The following FABP6 variants were observed in gnomAD, a reference collection of about 807,000 sequenced individuals.
FABP6 encodes fatty acid binding protein 6.
A neutral mutation model predicts 14.9 loss-of-function variants in FABP6; 13 were observed. The observed-to-expected ratio is 0.87, with a 90% CI of 0.57 to 1.39. FABP6 has a LOEUF of 1.39. FABP6 is among the 40% of genes most tolerant of loss of function. The pLI, the probability that FABP6 is intolerant of heterozygous loss-of-function variation, is 0.00. For missense variants in FABP6, 161 were observed against 167.2 expected, an observed-to-expected ratio of 0.96 and a Z score of 0.20; for synonymous variants, 75 against 63.6, an observed-to-expected ratio of 1.18 and a Z score of -0.85.
Position 160,232,081 on chromosome 5 carries a change from C to T in FABP6, c.68-17C>T. 1 of 1,612,818 alleles carries T rather than the reference C, an allele frequency of 6.2e-7. No homozygotes were observed. The highest frequency in any genetic ancestry group is 8.5e-7 in the Non-Finnish European group (1 of 1,179,456). ...AAGCAGCTCTTATATGGCTACTCTGCTTGTCCCCGGGTCCAGGGATCTCCA... is the reference window on the plus strand; with the variant it reads ...AAGCAGCTCTTATATGGCTACTCTGTTTGTCCCCGGGTCCAGGGATCTCCA... On this transcript the variant is annotated splice_polypyrimidine_tract_variant and intron_variant, in intron 1 of 3. Coordinates refer to ENST00000402432, the MANE Select transcript of FABP6 (RefSeq NM_001445.3).
In FABP6 at chr5:160,199,015, C is replaced by T. The variant is rs116602704; in HGVS notation, c.-58-34C>T. 2,151 of 1,312,914 alleles carry T rather than the reference C, an allele frequency of 1.6e-3. 17 individuals are homozygous for T. The highest frequency in any genetic ancestry group is 0.015 in the African/African-American group (1,035 of 69,296). The allele number at this position is 1,312,914 out of a possible 1,614,324, so 81.3% of individuals were successfully genotyped here. A position where few individuals can be genotyped will look rare whatever the true frequency, so the allele number is the denominator to read the frequency against. On this transcript the variant is annotated intron_variant, in intron 1 of 6. Coordinates refer to the FABP6 transcript ENST00000393980. ...GAACAATGAGATGGTCTCCAGAGCC[C>T]CTCCCAGCGTGCTGGCTTTTTGTGT...
At position 160,213,631 on chromosome 5, in the gene FABP6, G is replaced by A. The variant is rs564387834; in HGVS notation, c.52-105G>A. The A allele has an allele frequency of 3.3e-6, 3 of 897,542 alleles. 1 individual carries two copies. In the South Asian group the frequency reaches 4.1e-5, roughly 12 times the overall value. 55.6% of individuals were successfully genotyped at this position (897,542 alleles called of 1,614,324 possible). On this transcript the variant is annotated intron_variant, in intron 2 of 6. Transcript: ENST00000393980. ...ATCAGTTTCCATTGCTTGCAATTAAGAGCGCTGCTATGAGGAGCTCTGCCT... is the reference window on the plus strand; with the variant it reads ...ATCAGTTTCCATTGCTTGCAATTAAAAGCGCTGCTATGAGGAGCTCTGCCT...
chr5:160,212,991 C>T (rs1759924464), intron 2 of FABP6, among the ~76,000 whole-genome samples: 2 of 152,164 alleles, frequency 1.3e-5, no homozygotes, highest in South Asian at 2.1e-4. Context: ...ATAGAAGGCA[C>T]ATGAGCTGGG....
intron 3 of FABP6, among the ~76,000 whole-genome samples, chr5:160,218,287 C>T (rs1317867766): frequency 6.6e-6 from 1 of 151,966 alleles, no homozygotes; most frequent in African/African-American, 2.4e-5. Context: ...CCAGATTTTG[C>T]AGATGAGAAA....
chr5:160,199,214 T>C, intron 2 of FABP6: 4 of 1,584,738 alleles, frequency 2.5e-6, no homozygotes, highest in Non-Finnish European at 8.7e-7. Context: ...ATGACCCAGG[T>C]CACAGTGGGG....
At chr5:160,205,787 C>A (rs545535400) in intron 2 of FABP6, among the ~76,000 whole-genome samples, 1 of 152,112 alleles carries the variant, frequency 6.6e-6, no homozygotes, top group African/African-American at 2.4e-5. Context: ...GCAGCCATTT[C>A]GTGACCTTGA....
At chr5:160,212,059 C>G (rs56399800) in intron 2 of FABP6, among the ~76,000 whole-genome samples, 59,982 of 149,510 alleles carry the variant, frequency 0.4, 12,134 homozygotes, top group Non-Finnish European at 0.43. Context: ...GTGATCTCAG[C>G]TCACTGTAAC....
intron 3 of FABP6, among the ~76,000 whole-genome samples, chr5:160,219,947 GC>G (rs1303015562): frequency 2.0e-5 from 3 of 152,124 alleles, no homozygotes; most frequent in African/African-American, 7.2e-5. Flanking sequence ...ATCCCCAGTA[GC>G]GTATGAACAC....
intron 1 of FABP6, chr5:160,198,849 G>A: frequency 1.9e-6 from 1 of 524,942 alleles, no homozygotes; most frequent in Non-Finnish European, 3.4e-6. Context: ...CCATCATCCT[G>A]TTGTTCTTTA....
chr5:160,213,393 G>A (rs766072761), intron 2 of FABP6, among the ~76,000 whole-genome samples: 2 of 152,194 alleles, frequency 1.3e-5, no homozygotes, highest in Non-Finnish European at 2.9e-5. Context: ...CAGGGAAATG[G>A]TGGCTGCAGG....
rs779440322 is a variant in FABP6, at chr5:160,232,102, C to G, written c.72C>G (p.Ile24Met). 6.2e-7 allele frequency: 1 copy of G among 1,613,866 alleles called. No individual in the cohort carries two copies. The highest frequency in any genetic ancestry group is 1.7e-5 in the Admixed American group (1 of 59,974). The change falls in exon 2 of 4, where the codon ATC becomes ATG. Residue 24 changes from isoleucine to methionine, a missense_variant. By Grantham distance (10) the Ile-to-Met change is conservative (BLOSUM62 1). Transcript: ENST00000402432. Reference protein sequence around the residue: ...NYDEFMKLLGISSDVIEKARN... With the variant: ...NYDEFMKLLGMSSDVIEKARN... ...TCTGCTTGTCCCCGGGTCCAGGGATCTCCAGCGATGTAATCGAAAAGGCCC... is the reference window on the plus strand; with the variant it reads ...TCTGCTTGTCCCCGGGTCCAGGGATGTCCAGCGATGTAATCGAAAAGGCCC...
At chr5:160,198,984 A>G (rs1759571425) in intron 1 of FABP6, 1 of 982,952 alleles carries the variant, frequency 1.0e-6, no homozygotes, top group South Asian at 1.3e-5. Context: ...GAATAGACAA[A>G]TGAATGAACA....
intron 1 of FABP6, among the ~76,000 whole-genome samples, chr5:160,194,817 T>G (rs1028161886): frequency 2.6e-5 from 4 of 152,186 alleles, no homozygotes; most frequent in Non-Finnish European, 5.9e-5. Flanking sequence ...TTTCCCTGCC[T>G]ATACCTCCAT....
chr5:160,231,962 C>A, intron 1 of FABP6, 136 bp from the exon 2 acceptor site: 1 of 962,488 alleles, frequency 1.0e-6, no homozygotes, highest in Non-Finnish European at 1.5e-6. Context: ...GTCTCAGGCA[C>A]TGTGCTCTTA....
upstream of FABP6, among the ~76,000 whole-genome samples, chr5:160,226,500 G>T (rs1184519996): frequency 6.0e-5 from 9 of 150,534 alleles, no homozygotes; most frequent in South Asian, 1.9e-3. Flanking sequence ...GGCGGAGGTT[G>T]CAGTGAGCCG....
At chr5:160,234,081 A>G (rs1268942612) in intron 2 of FABP6, among the ~76,000 whole-genome samples, 2 of 152,124 alleles carry the variant, frequency 1.3e-5, no homozygotes, top group Non-Finnish European at 2.9e-5. Flanking sequence ...AAAAAAGGAG[A>G]GCAGATAAGC....
chr5:160,216,602 C>CT (rs374680656), intron 3 of FABP6, among the ~76,000 whole-genome samples: 214 of 152,270 alleles, frequency 1.4e-3, no homozygotes, highest in African/African-American at 5.0e-3. Context: ...TGGCATTCCA[C>CT]TGCTGGATCA....
chr5:160,220,299 G>A (rs1046060278), intron 3 of FABP6, among the ~76,000 whole-genome samples: 1 of 152,042 alleles, frequency 6.6e-6, no homozygotes, highest in South Asian at 2.1e-4. Flanking sequence ...CTGGAAGATC[G>A]GTATTTTTTT....
chr5:160,201,143 C>T (rs1439412461), intron 2 of FABP6, among the ~76,000 whole-genome samples: 1 of 151,890 alleles, frequency 6.6e-6, no homozygotes, highest in Non-Finnish European at 1.5e-5. Context: ...ATCACTTGAG[C>T]CCAGAAGTTC....
Sources: allele counts gnomAD v4.1 joint callset (sites outside exome capture counted in the v4.1 genomes callset), GRCh38; gene constraint gnomAD v4.1.1; transcripts MANE v1.5; gene names NCBI Gene and HGNC (gene_info 2026-07-23, HGNC 2026-07-21).